Variants in MBNL1 observed in about 807,000 individuals in gnomAD.
MBNL1 encodes muscleblind like splicing regulator 1, also known as muscleblind-like protein 1.
In MBNL1, 8 loss-of-function variants were observed where a neutral mutation model predicts 42.2. The ratio of observed to expected loss-of-function variants is 0.19; its 90% confidence interval spans 0.11 to 0.34. MBNL1 has a LOEUF of 0.34. Among genes scored for constraint, MBNL1 ranks in the 10% least tolerant of loss-of-function variants. The pLI is 1.00. For missense variants in MBNL1, 309 were observed against 495.3 expected, an observed-to-expected ratio of 0.62 and a Z score of 3.57; for synonymous variants, 169 against 173.9, an observed-to-expected ratio of 0.97 and a Z score of 0.22.
intron 2 of MBNL1, chr3:152,338,344 A>G (rs2091899613): frequency 1.0e-6 from 1 of 985,196 alleles, no homozygotes; most frequent in African/African-American, 1.7e-5. Flanking sequence ...CTGTCCATTG[A>G]CAGAACCTTG....
chr3:152,295,847 C>A (rs2058328297), intron 1 of MBNL1, among the ~76,000 whole-genome samples: 1 of 152,308 alleles, frequency 6.6e-6, no homozygotes, highest in East Asian at 1.9e-4. Flanking sequence ...GCCAAGAACC[C>A]TCAGCAACTC....
chr3:152,436,245 C>CT (rs1410506085), intron 4 of MBNL1, among the ~76,000 whole-genome samples: 1 of 152,132 alleles, frequency 6.6e-6, no homozygotes, highest in Non-Finnish European at 1.5e-5. Context: ...ATATACCAGA[C>CT]ACATGCATCG....
intron 1 of MBNL1, among the ~76,000 whole-genome samples, chr3:152,282,401 CAAG>C (rs752178268): frequency 2.6e-5 from 4 of 151,836 alleles, no homozygotes; most frequent in Non-Finnish European, 5.9e-5. Flanking sequence ...AATTTTTTGG[CAAG>C]AAAATTAAGC....
chr3:152,290,125 C>A (rs1307733452), intron 1 of MBNL1, among the ~76,000 whole-genome samples: 3 of 151,718 alleles, frequency 2.0e-5, no homozygotes, highest in Non-Finnish European at 4.4e-5. Flanking sequence ...GTTATCACAC[C>A]AGGTTTAAAA....
intron 2 of MBNL1, among the ~76,000 whole-genome samples, chr3:152,382,236 A>G (rs2097205823): frequency 1.3e-5 from 2 of 152,226 alleles, no homozygotes; most frequent in African/African-American, 2.4e-5. Flanking sequence ...TAGTTAAGCT[A>G]AATGCCACTC....
At chr3:152,426,511 G>GATTTCTTTAGTGCATCA (rs1357261158) in intron 3 of MBNL1, among the ~76,000 whole-genome samples, 6 of 152,176 alleles carry the variant, frequency 3.9e-5, no homozygotes, top group African/African-American at 1.4e-4. Flanking sequence ...GCAACCTGGA[G>GATTTCTTTAGTGCATCA]ACCTCTGGTA....
At chr3:152,354,755 A>G (rs1336216518) in intron 2 of MBNL1, among the ~76,000 whole-genome samples, 1 of 152,112 alleles carries the variant, frequency 6.6e-6, no homozygotes, top group Non-Finnish European at 1.5e-5. Flanking sequence ...CATGTTGTAG[A>G]ATTATGTATT....
intron 2 of MBNL1, among the ~76,000 whole-genome samples, chr3:152,367,784 G>A (rs566010237): frequency 1.1e-4 from 16 of 152,134 alleles, no homozygotes; most frequent in Non-Finnish European, 2.4e-4. Context: ...GAACAGTGGT[G>A]ATGAGCATTT....
At chr3:152,369,258 T>C (rs2096558663) in intron 2 of MBNL1, among the ~76,000 whole-genome samples, 1 of 152,240 alleles carries the variant, frequency 6.6e-6, no homozygotes, top group Non-Finnish European at 1.5e-5. Flanking sequence ...TCTGCATCTA[T>C]TGGGATAATC....
rs866450053 is a variant in MBNL1 at position 152,249,980 on chromosome 3, C to G, written n.333+5540C>G. The stretch of plus-strand genomic sequence containing the variant: ...TCTGTTCTGTTCCATTGATCTATAT[C>G]TCTGTTTTGGTACCAGTACCATGCT... On this transcript the variant is annotated intron_variant and non_coding_transcript_variant, in intron 2 of 2. Coordinates refer to the MBNL1 transcript ENST00000477171. Among the ~76,000 whole-genome samples, 567 of 147,380 alleles carry G rather than the reference C, an allele frequency of 3.8e-3. 5 individuals carry two copies. The highest frequency in any genetic ancestry group is 0.014 in the African/African-American group (545 of 40,056).
At chr3:152,271,548 C>T (rs553032048) in intron 1 of MBNL1, among the ~76,000 whole-genome samples, 3 of 151,892 alleles carry the variant, frequency 2.0e-5, no homozygotes, top group Admixed American at 2.0e-4. Context: ...GATAGATGTG[C>T]GGATTAGAGA....
intron 2 of MBNL1, among the ~76,000 whole-genome samples, chr3:152,332,735 TGTGTGC>T (rs1237702888): frequency 0.057 from 6,776 of 119,672 alleles, 253 homozygotes; most frequent in African/African-American, 0.11. Context: ...TGTGTGTGTG[TGTGTGC>T]GCGCGCGCAT....
chr3:152,455,601 AT>A, intron 7 of MBNL1, 24 bp downstream of exon 7: 1 of 1,610,668 alleles, frequency 6.2e-7, no homozygotes, highest in Non-Finnish European at 8.5e-7. Flanking sequence ...TTGTTTCTTG[AT>A]TATCTTAAAC....
chr3:152,384,787 T>C (rs779559576), intron 2 of MBNL1, among the ~76,000 whole-genome samples: 2 of 152,174 alleles, frequency 1.3e-5, no homozygotes, highest in Non-Finnish European at 2.9e-5. Context: ...TCTTTTTGTG[T>C]TGCTTTGAAA....
intron 2 of MBNL1, among the ~76,000 whole-genome samples, chr3:152,389,768 C>G (rs113628520): frequency 6.6e-6 from 1 of 152,148 alleles, no homozygotes; most frequent in Non-Finnish European, 1.5e-5. Context: ...GTGAAGGCCT[C>G]AGAGATTACT....
At chr3:152,341,203 T>C (rs1288617151) in intron 2 of MBNL1, among the ~76,000 whole-genome samples, 1 of 152,208 alleles carries the variant, frequency 6.6e-6, no homozygotes, top group East Asian at 1.9e-4. Flanking sequence ...ATAGTGAGTT[T>C]ATAATTTTTT....
chr3:152,380,765 A>G (rs1410538758), intron 2 of MBNL1, among the ~76,000 whole-genome samples: 2 of 152,044 alleles, frequency 1.3e-5, no homozygotes, highest in Admixed American at 6.6e-5. Context: ...TACGTATTTC[A>G]AATGTGTGTG....
intron 1 of MBNL1, among the ~76,000 whole-genome samples, chr3:152,278,448 T>G (rs1424445645): frequency 6.6e-6 from 1 of 152,026 alleles, no homozygotes; most frequent in African/African-American, 2.4e-5. Flanking sequence ...TGCCTAACAA[T>G]AGAAAAATAT....
chr3:152,388,448 A>G (rs192221283), intron 2 of MBNL1, among the ~76,000 whole-genome samples: 1 of 152,328 alleles, frequency 6.6e-6, no homozygotes, highest in East Asian at 1.9e-4. Context: ...TTAGCTTTTC[A>G]GCTTTTATTA....
Sources: gnomAD v4.1 joint callset for allele counts (sites outside exome capture counted in the v4.1 genomes callset) on GRCh38, gnomAD v4.1.1 for gene constraint, MANE v1.5 for transcripts, NCBI Gene and HGNC (gene_info 2026-07-23, HGNC 2026-07-21) for gene names.